STXBP5L: variants seen among roughly 807,000 people sequenced by gnomAD.
The protein encoded by STXBP5L is syntaxin-binding protein 5-like.
In STXBP5L, 65 loss-of-function variants were observed where a neutral mutation model predicts 144.5. That is an observed-to-expected ratio of 0.45 (90% CI 0.37 to 0.55). The LOEUF (loss-of-function observed/expected upper bound fraction) is 0.55. Among genes scored for constraint, STXBP5L ranks in the 20% least tolerant of loss-of-function variants. STXBP5L has a pLI of 0.00. For synonymous variants in STXBP5L, 505 were observed against 469.6 expected (o/e 1.08, Z -0.97); for missense variants, 1,298 against 1,405.5 (o/e 0.92, Z 1.22).
At chr3:120,949,520 G>T (rs1048498542) in intron 2 of STXBP5L, among the ~76,000 whole-genome samples, 16 of 152,046 alleles carry the variant, frequency 1.1e-4, no homozygotes, top group African/African-American at 3.6e-4. Flanking sequence ...TTTTTCCAAT[G>T]TTATCTTCTA....
At chr3:121,020,850 G>GAAA (rs60522434) in intron 3 of STXBP5L, among the ~76,000 whole-genome samples, 5,564 of 143,132 alleles carry the variant, frequency 0.039, 372 homozygotes, top group African/African-American at 0.13. Context: ...ACAATACAAT[G>GAAA]AAAAAAAAAA....
At chr3:121,073,718 C>CTG (rs1341260959) in intron 5 of STXBP5L, among the ~76,000 whole-genome samples, 9 of 152,166 alleles carry the variant, frequency 5.9e-5, no homozygotes, top group Non-Finnish European at 1.3e-4. Flanking sequence ...CCCCCTGCCC[C>CTG]CGCCCCAGCT....
At chr3:121,314,635 G>C (rs1225110705) in intron 19 of STXBP5L, among the ~76,000 whole-genome samples, 8 of 150,468 alleles carry the variant, frequency 5.3e-5, no homozygotes, top group African/African-American at 1.7e-4. Flanking sequence ...GAGAGGGAGA[G>C]CGTAAGCGTA....
chr3:120,928,639 A>AGTGTGTGTGTGT (rs71133519), intron 2 of STXBP5L, among the ~76,000 whole-genome samples: 4 of 147,262 alleles, frequency 2.7e-5, no homozygotes, highest in South Asian at 2.2e-4. Context: ...TGGTATACAG[A>AGTGTGTGTGTGT]GTGTGTGTGT....
At chr3:121,352,877 A>G (rs1403979981) in intron 20 of STXBP5L, among the ~76,000 whole-genome samples, 2 of 152,046 alleles carry the variant, frequency 1.3e-5, no homozygotes, top group African/African-American at 4.8e-5. Flanking sequence ...GTTTATTGAG[A>G]GTTCTTAGCA....
chr3:121,216,699 G>T (rs1417930861), intron 10 of STXBP5L, among the ~76,000 whole-genome samples: 2 of 152,232 alleles, frequency 1.3e-5, no homozygotes, highest in African/African-American at 4.8e-5. Context: ...TCCCTTAGCA[G>T]AGCTCGAGCA....
In STXBP5L at chr3:121,324,753, A is replaced by G. The variant is rs190468571; in HGVS notation, c.2176+6213A>G. 9.6e-4 allele frequency among the ~76,000 whole-genome samples: 146 copies of G among 152,214 alleles called. 1 individual carries two copies. The highest frequency in any genetic ancestry group is 3.2e-3 in the African/African-American group (131 of 41,576). On this transcript the variant is annotated intron_variant, in intron 20 of 26. Coordinates refer to ENST00000471454, the MANE Select transcript of STXBP5L (RefSeq NM_001308330.2). ...TTCTGAAGCAAATATAACGCCAGAG[A>G]CACTTCATGAGATATGAATTAGGAA...
chr3:121,313,900 G>C (rs1472828658), intron 19 of STXBP5L, among the ~76,000 whole-genome samples: 2 of 146,066 alleles, frequency 1.4e-5, no homozygotes, highest in Admixed American at 6.7e-5. Flanking sequence ...GGGCAGAGAC[G>C]CTCCTCACCT....
chr3:121,242,686 T>C (rs1329478861), intron 14 of STXBP5L, among the ~76,000 whole-genome samples: 1 of 151,978 alleles, frequency 6.6e-6, no homozygotes, highest in African/African-American at 2.4e-5. Flanking sequence ...AATATAGAGA[T>C]TGACAGAGTG....
chr3:121,343,064 T>C (rs1442519691), intron 20 of STXBP5L, among the ~76,000 whole-genome samples: 4 of 152,158 alleles, frequency 2.6e-5, no homozygotes, highest in African/African-American at 9.7e-5. Flanking sequence ...TGGTATCTCA[T>C]TGTGGTTTTG....
intron 5 of STXBP5L, among the ~76,000 whole-genome samples, chr3:121,051,256 C>T (rs1947965349): frequency 6.6e-6 from 1 of 152,074 alleles, no homozygotes; most frequent in Admixed American, 6.5e-5. Flanking sequence ...CTACAGAACT[C>T]TCCACCCCAA....
intron 20 of STXBP5L, among the ~76,000 whole-genome samples, chr3:121,364,820 T>G (rs2045818097): frequency 6.6e-6 from 1 of 152,020 alleles, no homozygotes; most frequent in Non-Finnish European, 1.5e-5. Flanking sequence ...AATGTATTTA[T>G]TAGCTCTAAC....
intron 5 of STXBP5L, among the ~76,000 whole-genome samples, chr3:121,083,102 G>A (rs935953181): frequency 2.0e-5 from 3 of 152,068 alleles, no homozygotes; most frequent in Non-Finnish European, 2.9e-5. Flanking sequence ...AGGAGGCCGA[G>A]GCAGGAGAAT....
At chr3:121,382,321 T>C (rs2046340936) in intron 22 of STXBP5L, among the ~76,000 whole-genome samples, 1 of 152,090 alleles carries the variant, frequency 6.6e-6, no homozygotes, top group African/African-American at 2.4e-5. Context: ...TGTGCTAAGT[T>C]CATATGACAA....
At chr3:121,245,712 T>C (rs2049827017) in intron 14 of STXBP5L, among the ~76,000 whole-genome samples, 1 of 152,032 alleles carries the variant, frequency 6.6e-6, no homozygotes, top group Admixed American at 6.6e-5. Flanking sequence ...TACCTAATAA[T>C]AAAAGAGTCA....
intron 20 of STXBP5L, among the ~76,000 whole-genome samples, chr3:121,355,954 G>T (rs1020482142): frequency 3.5e-4 from 53 of 152,312 alleles, no homozygotes; most frequent in Middle Eastern, 3.4e-3. Context: ...TTCCTCAGCT[G>T]GTGGTCTGTT....
chr3:121,098,676 G>T (rs2043257498), intron 5 of STXBP5L, among the ~76,000 whole-genome samples: 1 of 152,132 alleles, frequency 6.6e-6, no homozygotes, highest in Non-Finnish European at 1.5e-5. Context: ...TTCAAGTTTT[G>T]TCGGGAATAC....
chr3:121,352,068 G>T (rs1039002950), intron 20 of STXBP5L, among the ~76,000 whole-genome samples: 1 of 152,130 alleles, frequency 6.6e-6, no homozygotes, highest in Non-Finnish European at 1.5e-5. Context: ...CCAGTACCAT[G>T]CTGTTTTGTT....
intron 5 of STXBP5L, among the ~76,000 whole-genome samples, chr3:121,055,185 T>C (rs960632281): frequency 2.2e-4 from 33 of 151,570 alleles, no homozygotes; most frequent in Admixed American, 1.2e-3. Flanking sequence ...TCATGTAACA[T>C]GAGAATATTC....
Sources: allele counts gnomAD v4.1 joint callset (sites outside exome capture counted in the v4.1 genomes callset), GRCh38; gene constraint gnomAD v4.1.1; transcripts MANE v1.5; gene names NCBI Gene and HGNC (gene_info 2026-07-23, HGNC 2026-07-21).